Variants in KDM3A observed in about 807,000 individuals in gnomAD.
KDM3A encodes the protein lysine demethylase 3A, also known as lysine-specific demethylase 3A.
Under a neutral mutation model 158.0 loss-of-function variants are expected in KDM3A, and 60 were observed. The ratio of observed to expected loss-of-function variants is 0.38; its 90% CI spans 0.31 to 0.47. The LOEUF is 0.47. Among genes scored for constraint, KDM3A ranks in the 20% least tolerant of loss-of-function variants. KDM3A has a pLI of 0.99. For synonymous variants in KDM3A, 608 were observed against 549.3 expected (o/e 1.11, Z -1.49); for missense variants, 1,319 against 1,574.3 (o/e 0.84, Z 2.74).
chr2:86,457,143 T>G lies in KDM3A; in HGVS notation c.843+72T>G, dbSNP rs546651832. On this transcript the variant is annotated intron_variant, in intron 8 of 25. Coordinates refer to ENST00000312912, the MANE Select transcript of KDM3A (RefSeq NM_018433.6). ...CATTGCATGGCTAGTTTTTATTTTT[T>G]ATTATTTATTTAATTATTTTTATTT... The G allele has an allele frequency of 2.9e-5, 16 of 548,348 alleles. 2 individuals carry two copies. In the South Asian group the frequency reaches 1.0e-3, roughly 34 times the overall value. The allele number at this position is 548,348 out of a possible 1,614,324, so 34.0% of individuals were successfully genotyped here.
At chr2:86,480,024 G>A (rs1401066008) in intron 15 of KDM3A, 143 bp from the exon 16 acceptor site, 5 of 648,782 alleles carry the variant, frequency 7.7e-6, no homozygotes, top group East Asian at 2.7e-5. Flanking sequence ...TACTGCAGCT[G>A]TGGGGATACC....
At chr2:86,445,669 T>C (rs1682929667) in intron 2 of KDM3A, among the ~76,000 whole-genome samples, 1 of 152,244 alleles carries the variant, frequency 6.6e-6, no homozygotes, top group Admixed American at 6.5e-5. Context: ...CCTTGACTAA[T>C]GCCTAGCCTT....
intron 20 of KDM3A, among the ~76,000 whole-genome samples, chr2:86,485,428 T>G (rs994342815): frequency 6.6e-6 from 1 of 152,232 alleles, no homozygotes; most frequent in Non-Finnish European, 1.5e-5. Context: ...CTTGAAACTT[T>G]GAAAAGGGTG....
intron 22 of KDM3A, 29 bp from the exon 23 acceptor site, chr2:86,489,491 C>G: frequency 1.9e-6 from 3 of 1,611,310 alleles, no homozygotes; most frequent in Non-Finnish European, 2.5e-6. Flanking sequence ...GGCTTGTGGT[C>G]TGATATCTGC....
At chr2:86,479,942 G>A (rs1673842365) in intron 15 of KDM3A, 4 of 558,242 alleles carry the variant, frequency 7.2e-6, no homozygotes, top group Admixed American at 3.1e-5. Flanking sequence ...AGGGTGCGGG[G>A]GGTAATACCT....
chr2:86,468,718 C>T (rs1270351753), intron 10 of KDM3A, among the ~76,000 whole-genome samples: 1 of 152,092 alleles, frequency 6.6e-6, no homozygotes, highest in East Asian at 1.9e-4. Flanking sequence ...CTTTCTTCCA[C>T]TTGGGGTCTA....
chr2:86,456,976 A>G lies in KDM3A; in HGVS notation c.755-7A>G, dbSNP rs199506616. ...AAGCCAACTTAACCTATTTTTAAAT[A>G]TTTTAGGTAATTCTGCAAGAATTGG... On this transcript the variant is annotated splice_region_variant and splice_polypyrimidine_tract_variant and intron_variant, in intron 7 of 25. Transcript: ENST00000312912. 3.1e-6 allele frequency: 5 copies of G among 1,595,382 alleles called. No homozygotes were observed. The East Asian group carries it at 6.7e-5, about 21-fold the overall frequency.
chr2:86,447,721 A>G (rs944937666), intron 2 of KDM3A, among the ~76,000 whole-genome samples: 10 of 152,168 alleles, frequency 6.6e-5, no homozygotes, highest in Non-Finnish European at 1.3e-4. Context: ...CTGGGGTGCA[A>G]GTTAGTTGGT....
At chr2:86,481,545 T>C (rs1673930125) in intron 16 of KDM3A, among the ~76,000 whole-genome samples, 1 of 151,960 alleles carries the variant, frequency 6.6e-6, no homozygotes, top group Non-Finnish European at 1.5e-5. Context: ...AGACAAAGGA[T>C]ATCTGTTTTC....
chr2:86,482,881 T>C, intron 18 of KDM3A, 187 bp downstream of exon 18: 1 of 595,854 alleles, frequency 1.7e-6, no homozygotes, highest in Non-Finnish European at 2.9e-6. Flanking sequence ...CAGATGGTCC[T>C]AAGCTGGACT....
rs117180889 is a variant in KDM3A, at chr2:86,480,066, A to G, written c.2317-101A>G. The G allele has an allele frequency of 1.4e-3, 1,255 of 910,270 alleles. 27 individuals are homozygous for G. In the East Asian group the frequency reaches 0.029, roughly 21 times the overall value. The allele number at this position is 910,270 out of a possible 1,614,324, so 56.4% of individuals were successfully genotyped here. A position where few individuals can be genotyped will look rare whatever the true frequency, so the allele number is the denominator to read the frequency against. On this transcript the variant is annotated intron_variant, in intron 15 of 25. Coordinates refer to ENST00000312912, the MANE Select transcript of KDM3A (RefSeq NM_018433.6). ...TAACTATTAGGTGGTTTTGTTCTGG[A>G]TATTTATCTTACTTGTTGGTCGGCT...
upstream of KDM3A, among the ~76,000 whole-genome samples, chr2:86,439,619 T>C (rs1682574932): frequency 6.6e-6 from 1 of 152,116 alleles, no homozygotes; most frequent in African/African-American, 2.4e-5. Context: ...AAGTTCTCCA[T>C]ATCTTCCCTT....
At chr2:86,461,398 A>G (rs1260420332) in intron 8 of KDM3A, among the ~76,000 whole-genome samples, 1 of 152,144 alleles carries the variant, frequency 6.6e-6, no homozygotes, top group Admixed American at 6.5e-5. Flanking sequence ...ACTTCAGGTA[A>G]CTCATAAGAC....
chr2:86,442,118 A>T lies in KDM3A; in HGVS notation c.71A>T (p.Asp24Val). The change falls in exon 2 of 26, where the codon GAC becomes GTC. Residue 24 changes from aspartate (D) to valine (V), a missense_variant. Physicochemically the swap from Asp to Val is radical, Grantham distance 152 (BLOSUM62 -3). This residue lies in a region of KDM3A where 652 missense variants were observed against 627.2 expected (regional missense o/e 1.04). Coordinates refer to ENST00000312912, the MANE Select transcript of KDM3A (RefSeq NM_018433.6). ...AGGTTTCTCAGTCTGTCCGCAGCCG[A>T]CGGCAGCGATGGCAGCCACGACAGC... ...GRRFLSLSAADGSDGSHDSWD... is the reference protein window; with the variant it reads ...GRRFLSLSAAVGSDGSHDSWD... 6.2e-7 allele frequency: 1 copy of T among 1,613,994 alleles called. No individual in the cohort carries two copies. Among genetic ancestry groups the T allele is most frequent in the Non-Finnish European group, 8.5e-7 (1 of 1,179,924 alleles).
intron 9 of KDM3A, among the ~76,000 whole-genome samples, chr2:86,465,874 A>G (rs1673116605): frequency 6.6e-6 from 1 of 151,710 alleles, no homozygotes; most frequent in African/African-American, 2.4e-5. Context: ...TATCTTTAAA[A>G]TTCAAACATA....
chr2:86,476,390 C>T (rs1319978284), intron 12 of KDM3A, among the ~76,000 whole-genome samples: 1 of 75,788 alleles, frequency 1.3e-5, no homozygotes, highest in African/African-American at 7.4e-5. Flanking sequence ...TCTTTTACAG[C>T]ATAATTAAGA....
In KDM3A at chr2:86,482,080, T is replaced by G. The variant is rs1558628863; in HGVS notation, c.2663T>G (p.Leu888Arg). ...AACAATTCTGGTTTCCTCCGGAATC[T>G]CTTGAATTCTTCTACAGGAAAGGTA... ...SNNNSGFLRN[L>R]LNSSTGKTEN... is the part of the protein sequence containing the mutation. Residue 888 changes from leucine (L) to arginine (R), a missense_variant, in exon 17 of 26, where the codon CTC becomes CGC. Physicochemically the swap from Leu to Arg is moderately radical, Grantham distance 102. Transcript: ENST00000312912. The G allele has an allele frequency of 1.2e-6, 2 of 1,614,022 alleles. No homozygotes were observed. Among genetic ancestry groups the G allele is most frequent in the Non-Finnish European group, 1.7e-6 (2 of 1,179,940 alleles).
intron 4 of KDM3A, among the ~76,000 whole-genome samples, chr2:86,453,324 G>A (rs578011271): frequency 3.3e-5 from 5 of 152,122 alleles, no homozygotes; most frequent in Non-Finnish European, 7.4e-5. Context: ...AGATATGGGT[G>A]TTCACAGTAG....
Position 86,464,134 on chromosome 2 carries a change from C to T in KDM3A, c.925C>T (p.Pro309Ser). ...ACTGCTTGGCTGTACTGCGGCAACTCCACCTAGTAAGGACCCAAGACAGCA... is the reference window on the plus strand; with the variant it reads ...ACTGCTTGGCTGTACTGCGGCAACTTCACCTAGTAAGGACCCAAGACAGCA... ...EILLGCTAAT[P>S]PSKDPRQQST... is the part of the protein sequence containing the mutation. The change falls in exon 9 of 26, where the codon CCA (proline) becomes TCA (serine). Residue 309 changes from proline (P) to serine (S), a missense_variant. Coordinates refer to ENST00000312912, the MANE Select transcript of KDM3A (RefSeq NM_018433.6). 3 of 1,612,890 alleles carry T rather than the reference C, an allele frequency of 1.9e-6. No individual in the cohort carries two copies. The highest frequency in any genetic ancestry group is 2.5e-6 in the Non-Finnish European group (3 of 1,179,188).
Sources: gnomAD v4.1 joint callset for allele counts (sites outside exome capture counted in the v4.1 genomes callset) on GRCh38, gnomAD v4.1.1 for gene constraint, gnomAD v4.1.1 regional missense constraint, MANE v1.5 for transcripts, NCBI Gene and HGNC (gene_info 2026-07-23, HGNC 2026-07-21) for gene names.